MCM5: variants seen among roughly 807,000 people sequenced by gnomAD.
The protein encoded by MCM5 is minichromosome maintenance complex component 5, also known as DNA replication licensing factor MCM5.
MCM5 carries 46 observed loss-of-function variants against 79.9 expected under a neutral mutation model. That is an observed-to-expected ratio of 0.58 (90% CI 0.45 to 0.74). MCM5 has a LOEUF of 0.74. MCM5 is among the 30% of genes least tolerant of loss of function. MCM5 has a pLI of 0.00. For synonymous variants in MCM5, 404 were observed against 390.5 expected, an observed-to-expected ratio of 1.03 and a Z score of -0.41; for missense variants, 883 against 1,017.0, an observed-to-expected ratio of 0.87 and a Z score of 1.79.
chr22:35,410,411 G>A, intron 6 of MCM5: 2 of 336,490 alleles, frequency 5.9e-6, no homozygotes, highest in Non-Finnish European at 1.2e-5. Flanking sequence ...GTGGAGATGG[G>A]GCTTTTGGAG....
rs767997684 is a variant in MCM5, at chr22:35,423,260, C to T, written c.2022C>T (p.Arg674=). The T allele has an allele frequency of 6.2e-7, 1 of 1,606,112 alleles. No homozygotes were observed. Among genetic ancestry groups the T allele is most frequent in the South Asian group, 1.1e-5 (1 of 90,116 alleles). Residue 674 remains arginine (R), a synonymous_variant, in exon 16 of 17, where the codon CGC becomes CGT. Transcript: ENST00000216122. ...AGGAGGACCAGGAGATGCTGAGCCG[C>T]ATCGAGAAGCAGCTCAAGCGCCGCT... ...TSQEDQEMLS[R]IEKQLKRRFA... is the part of the protein sequence containing the mutation.
At chr22:35,448,661 CTGAGGGAGGTGT>C in the MCM5 span, among the ~76,000 whole-genome samples, 3 of 152,188 alleles carry the variant, frequency 2.0e-5, no homozygotes, top group Non-Finnish European at 2.9e-5. Flanking sequence ...ACAGAGGGAA[CTGAGGGAGGTGT>C]TAAGTGCTGG....
rs181776514 is a variant in MCM5 at position 35,406,628 on chromosome 22, C to T, written c.499C>T (p.Arg167Cys). The T allele has an allele frequency of 5.5e-5, 88 of 1,613,184 alleles. No homozygotes were observed. Among genetic ancestry groups the T allele is most frequent in the South Asian group, 3.8e-4 (35 of 91,084 alleles). The change falls in exon 5 of 17, where the codon CGC (arginine) becomes TGC (cysteine). Residue 167 changes from arginine to cysteine, a missense_variant. By Grantham distance (180) the Arg-to-Cys change is radical. Around this residue, in one of 3 missense-constraint regions of MCM5, gnomAD observed 455 missense variants for 517.5 expected, o/e 0.88. Transcript: ENST00000216122. ...CTCTGCGGTCCGTGCCAAGGCCACC[C>T]GCATCTCTATCCAGTGCCGCAGCTG... ...AASAVRAKAT[R>C]ISIQCRSCRN...
Position 35,406,659 on chromosome 22 carries a change from A to G in MCM5, c.530A>G (p.Asn177Ser). 1.2e-6 allele frequency: 2 copies of G among 1,612,394 alleles called. No individual in the cohort carries two copies. The highest frequency in any genetic ancestry group is 1.7e-6 in the Non-Finnish European group (2 of 1,180,022). Residue 177 changes from asparagine to serine, a missense_variant, in exon 5 of 17, where the codon AAC (asparagine) becomes AGC (serine). Coordinates refer to ENST00000216122, the MANE Select transcript of MCM5 (RefSeq NM_006739.4). Reference sequence around the variant, plus strand: ...TCTATCCAGTGCCGCAGCTGCCGCAACACCCTCACCAACATTGCCATGCGC... The same window carrying G: ...TCTATCCAGTGCCGCAGCTGCCGCAGCACCCTCACCAACATTGCCATGCGC... ...RISIQCRSCRNTLTNIAMRPG... is the reference protein window; with the variant it reads ...RISIQCRSCRSTLTNIAMRPG...
the MCM5 span, among the ~76,000 whole-genome samples, chr22:35,449,846 A>G: frequency 1.3e-5 from 2 of 152,128 alleles, no homozygotes; most frequent in African/African-American, 4.8e-5. Flanking sequence ...CAGTGACACA[A>G]TCACTGTTCA....
intron 2 of MCM5, 143 bp downstream of exon 2, chr22:35,400,748 C>A: frequency 2.4e-6 from 2 of 818,164 alleles, no homozygotes; most frequent in Non-Finnish European, 3.7e-6. Context: ...GGGCTCATCC[C>A]GGCAGCCTCA....
downstream of MCM5, among the ~76,000 whole-genome samples, chr22:35,429,026 C>A (rs1431129569): frequency 1.0e-5 from 1 of 97,640 alleles, no homozygotes; most frequent in Non-Finnish European, 1.9e-5. Flanking sequence ...TTGCTCTGTT[C>A]CCAGGCTGGA....
chr22:35,446,705 C>A, the MCM5 span, among the ~76,000 whole-genome samples: 4 of 152,154 alleles, frequency 2.6e-5, no homozygotes, highest in African/African-American at 9.7e-5. Flanking sequence ...CTCAACTCTG[C>A]CCGCAGAATT....
At chr22:35,416,860 C>T (rs768877245) in intron 12 of MCM5, 46 bp downstream of exon 12, 2 of 1,595,032 alleles carry the variant, frequency 1.3e-6, no homozygotes, top group Admixed American at 1.7e-5. Context: ...TGCCTCCAGG[C>T]AGGCTTGTGA....
At chr22:35,418,673 A>T (rs886494661) in intron 13 of MCM5, among the ~76,000 whole-genome samples, 3 of 133,522 alleles carry the variant, frequency 2.2e-5, no homozygotes. Flanking sequence ...AAAAAAAAAT[A>T]TATATATATG....
chr22:35,438,856 TATCCATCCATCCATCCATCC>T, the MCM5 span, among the ~76,000 whole-genome samples: 1 of 109,492 alleles, frequency 9.1e-6, no homozygotes. Context: ...TCCACCCACA[TATCCATCCATCCATCCATCC>T]ATCCATCCAT....
intron 12 of MCM5, 132 bp downstream of exon 12, chr22:35,416,946 C>A: frequency 9.9e-7 from 1 of 1,008,576 alleles, no homozygotes; most frequent in Non-Finnish European, 1.5e-6. Flanking sequence ...AATTGGGGAG[C>A]ACGTGAGAGG....
the MCM5 span, among the ~76,000 whole-genome samples, chr22:35,437,152 C>T: frequency 6.6e-6 from 1 of 152,346 alleles, no homozygotes; most frequent in African/African-American, 2.4e-5. Flanking sequence ...AGGAAGTGCC[C>T]ATGGCTGGGA....
the MCM5 span, among the ~76,000 whole-genome samples, chr22:35,447,612 A>G: frequency 6.6e-6 from 1 of 152,100 alleles, no homozygotes; most frequent in African/African-American, 2.4e-5. Flanking sequence ...AGCTGGGACT[A>G]TGCACACACA....
chr22:35,450,992 T>G, the MCM5 span, among the ~76,000 whole-genome samples: 1 of 152,214 alleles, frequency 6.6e-6, no homozygotes, highest in African/African-American at 2.4e-5. Flanking sequence ...GAATGAATGA[T>G]GGACAAGCAA....
intron 6 of MCM5, 114 bp downstream of exon 6, chr22:35,408,677 G>A (rs2145788548): frequency 8.5e-7 from 1 of 1,173,256 alleles, no homozygotes; most frequent in Non-Finnish European, 1.2e-6. Context: ...GGTGGAGAAG[G>A]TGGCCAGTTG....
Position 35,416,764 on chromosome 22 carries a change from TTCGAC to T in MCM5, c.1541_1545del (p.Phe514TyrfsTer8). On this transcript the variant is annotated frameshift_variant, in exon 12 of 17. Transcript: ENST00000216122. LOFTEE classifies it high-confidence loss of function. The stretch of plus-strand genomic sequence containing the variant: ...CTTCATGCCCACCATCTTGTCGCGC[TTCGAC>T]ATGATCTTCATCGTCAAGGATGAGC... The T allele has an allele frequency of 6.2e-7, 1 of 1,614,110 alleles. No individual in the cohort carries two copies. Among genetic ancestry groups the T allele is most frequent in the Non-Finnish European group, 8.5e-7 (1 of 1,180,030 alleles).
At position 35,400,597 on chromosome 22, in the gene MCM5, C is replaced by A; in HGVS notation, c.159C>A (p.Phe53Leu). Residue 53 changes from phenylalanine to leucine, a missense_variant, in exon 2 of 17, where the codon TTC (phenylalanine) becomes TTA (leucine). Around this residue, in one of 3 missense-constraint regions of MCM5, gnomAD observed 455 missense variants for 517.5 expected, o/e 0.88. Coordinates refer to ENST00000216122, the MANE Select transcript of MCM5 (RefSeq NM_006739.4). ...GCACCGACCGCACGGGCTTCACCTT[C>A]AAATACAGGTGCGGCTCCTGCGGGG... ...RVGTDRTGFT[F>L]KYRDELKRHY... 6.2e-7 allele frequency: 1 copy of A among 1,607,938 alleles called. No homozygotes were observed.
In MCM5 at chr22:35,420,200, T is replaced by G. The variant is rs73172722; in HGVS notation, c.1832+188T>G. 2.8e-3 allele frequency among the ~76,000 whole-genome samples: 421 copies of G among 152,346 alleles called. 1 individual carries two copies. The highest frequency in any genetic ancestry group is 4.1e-3 in the Non-Finnish European group (281 of 68,028). Reference sequence around the variant, plus strand: ...GATCTCAATGATGATCCATGTTTCTTGATTTAAGGCCGGGCAAACCTAGAC... The same window carrying G: ...GATCTCAATGATGATCCATGTTTCTGGATTTAAGGCCGGGCAAACCTAGAC... On this transcript the variant is annotated intron_variant, in intron 14 of 16. Transcript: ENST00000216122.
Sources: allele counts gnomAD v4.1 joint callset (sites outside exome capture counted in the v4.1 genomes callset), GRCh38; gene constraint gnomAD v4.1.1; regional missense constraint gnomAD v4.1.1; transcripts MANE v1.5; gene names NCBI Gene and HGNC (gene_info 2026-07-23, HGNC 2026-07-21).